Variants in BIN2 observed in about 807,000 individuals in gnomAD.
The protein encoded by BIN2 is bridging integrator 2, also known as breast cancer associated protein BRAP1.
A neutral mutation model predicts 67.9 loss-of-function variants in BIN2; 43 were observed. The ratio of observed to expected loss-of-function variants is 0.63; its 90% CI spans 0.50 to 0.82. The LOEUF (loss-of-function observed/expected upper bound fraction) is 0.82. Ranked by LOEUF, BIN2 falls within the 40% of genes least tolerant of loss-of-function variation. BIN2 has a pLI of 0.00. For synonymous variants in BIN2, 244 were observed against 246.8 expected (o/e 0.99, Z 0.11); for missense variants, 581 against 671.6 (o/e 0.87, Z 1.49).
At chr12:51,320,089 G>GA (rs1946231993) in intron 1 of BIN2, among the ~76,000 whole-genome samples, 1 of 152,038 alleles carries the variant, frequency 6.6e-6, no homozygotes, top group African/African-American at 2.4e-5. Flanking sequence ...AGATTCAAGC[G>GA]ATTCTCCTGC....
chr12:51,286,737 T>C (rs759734672), intron 11 of BIN2, among the ~76,000 whole-genome samples: 2 of 152,224 alleles, frequency 1.3e-5, no homozygotes, highest in African/African-American at 4.8e-5. Flanking sequence ...CCTGCACTTA[T>C]TCACTCTCCA....
intron 7 of BIN2, 119 bp downstream of exon 7, chr12:51,299,084 A>G (rs1945646925): frequency 5.9e-6 from 4 of 681,808 alleles, no homozygotes; most frequent in African/African-American, 2.1e-5. Flanking sequence ...CGAAAAAAAA[A>G]AAAAGGGGGC....
chr12:51,299,831 C>A, intron 5 of BIN2, 117 bp from the exon 6 acceptor site: 1 of 962,096 alleles, frequency 1.0e-6, no homozygotes. Context: ...ATTTCACTTT[C>A]GTTGTTTTTT....
At chr12:51,324,653 TGAAA>T (rs1946384492), upstream of BIN2, 1 of 986,762 alleles carries the variant, frequency 1.0e-6, no homozygotes, top group Admixed American at 3.5e-5. Flanking sequence ...GAGCCGGGCT[TGAAA>T]GAGAGAAACA....
At chr12:51,318,078 A>G (rs1486745045) in intron 1 of BIN2, among the ~76,000 whole-genome samples, 3 of 152,178 alleles carry the variant, frequency 2.0e-5, no homozygotes. Context: ...CAGCATCAGG[A>G]AAATCATAGG....
intron 11 of BIN2, among the ~76,000 whole-genome samples, chr12:51,285,752 T>C (rs1284549119): frequency 6.6e-6 from 1 of 151,656 alleles, no homozygotes; most frequent in Non-Finnish European, 1.5e-5. Context: ...GTCTCCCAAG[T>C]AGCTGGGATT....
intron 5 of BIN2, 93 bp from the exon 6 acceptor site, chr12:51,299,807 C>T: frequency 9.4e-7 from 1 of 1,067,106 alleles, no homozygotes; most frequent in South Asian, 1.3e-5. Context: ...AAGATTCTTG[C>T]ATCCTACTAT....
intron 9 of BIN2, 146 bp downstream of exon 9, chr12:51,295,650 A>AT (rs1183107554): frequency 7.1e-6 from 2 of 281,484 alleles, no homozygotes; most frequent in African/African-American, 4.5e-5. Flanking sequence ...AAGCAAAATA[A>AT]TTTATATAGG....
rs11838310 is a variant in BIN2, at chr12:51,291,476, G to A, written c.1515+115C>T. 7.8e-5 allele frequency: 82 copies of A among 1,046,506 alleles called. No homozygotes were observed. The African/African-American group carries it at 1.2e-3, about 16-fold the overall frequency. The allele number at this position is 1,046,506 out of a possible 1,614,324, so 64.8% of individuals were successfully genotyped here. ...GAGGATCACTTGAGCTTGAGAGGTCGAGACTGCAATGAGCTGTGATCGCAC... is the reference window on the plus strand; with the variant it reads ...GAGGATCACTTGAGCTTGAGAGGTCAAGACTGCAATGAGCTGTGATCGCAC... On this transcript the variant is annotated intron_variant, in intron 10 of 12. Coordinates refer to ENST00000615107, the MANE Select transcript of BIN2 (RefSeq NM_016293.4).
intron 1 of BIN2, among the ~76,000 whole-genome samples, chr12:51,317,805 G>A (rs1432843682): frequency 4.6e-5 from 7 of 151,998 alleles, no homozygotes; most frequent in Admixed American, 6.6e-5. Flanking sequence ...TGGCTAACAC[G>A]ATGAAACCCC....
intron 2 of BIN2, among the ~76,000 whole-genome samples, chr12:51,305,617 C>T (rs1353463138): frequency 6.8e-6 from 1 of 147,234 alleles, no homozygotes; most frequent in Admixed American, 6.8e-5. Context: ...GAATGAAACT[C>T]CATCTCAAAA....
chr12:51,287,074 A>C (rs1441823695), intron 11 of BIN2, among the ~76,000 whole-genome samples: 1 of 152,030 alleles, frequency 6.6e-6, no homozygotes, highest in Admixed American at 6.6e-5. Flanking sequence ...CACCTGCCTC[A>C]GCCCCCAACA....
At chr12:51,309,434 AC>A (rs1945941568) in intron 2 of BIN2, among the ~76,000 whole-genome samples, 1 of 152,214 alleles carries the variant, frequency 6.6e-6, no homozygotes, top group South Asian at 2.1e-4. Context: ...AGTTCCTGGC[AC>A]ACAGCAGGTG....
chr12:51,294,810 TG>T (rs1945491822), intron 9 of BIN2, among the ~76,000 whole-genome samples: 2 of 151,772 alleles, frequency 1.3e-5, no homozygotes, highest in Non-Finnish European at 2.9e-5. Context: ...AAAAAGTGAG[TG>T]GGGAAGGAAC....
chr12:51,316,220 G>A (rs1254818613), intron 1 of BIN2, among the ~76,000 whole-genome samples: 1 of 151,990 alleles, frequency 6.6e-6, no homozygotes, highest in Non-Finnish European at 1.5e-5. Context: ...GCTAGGCGCG[G>A]TGGCTCATGC....
intron 1 of BIN2, among the ~76,000 whole-genome samples, chr12:51,314,570 C>A (rs1332736830): frequency 6.6e-6 from 1 of 151,914 alleles, no homozygotes; most frequent in African/African-American, 2.4e-5. Context: ...GAGGCCAAGG[C>A]AGGTGGATCA....
Position 51,295,789 on chromosome 12 carries a change from T to C in BIN2, c.761+7A>G. The C allele has an allele frequency of 6.2e-7, 1 of 1,612,232 alleles. No individual in the cohort carries two copies. The highest frequency in any genetic ancestry group is 8.5e-7 in the Non-Finnish European group (1 of 1,179,344). ...AGCGAAGCAAAAAAGTCTTGGATGC[T>C]GCTCACCTTGACAGTCCCTTCACCA... On this transcript the variant is annotated splice_region_variant and intron_variant, in intron 9 of 12. Coordinates refer to ENST00000615107, the MANE Select transcript of BIN2 (RefSeq NM_016293.4).
chr12:51,291,897 C>A lies in BIN2; in HGVS notation c.1209G>T (p.Lys403Asn), dbSNP rs113931281. 3.3e-4 allele frequency: 536 copies of A among 1,614,124 alleles called. 4 individuals are homozygous for A. The African/African-American group carries it at 6.4e-3, about 19-fold the overall frequency. The change falls in exon 10 of 13, where the codon AAG becomes AAT. Residue 403 changes from lysine (K) to asparagine (N), a missense_variant. Transcript: ENST00000615107. ...TASEGSEQPK[K>N]RASIQRTSAP... ...CTGAGGTCCTCTGGATAGAGGCTCT[C>A]TTCTTTGGTTGTTCAGATCCTTCAC...
chr12:51,295,562 CA>C (rs779588765), intron 9 of BIN2, among the ~76,000 whole-genome samples: 81 of 11,876 alleles, frequency 6.8e-3, no homozygotes, highest in East Asian at 8.4e-3. Flanking sequence ...GACTCCGTCT[CA>C]AAAAAAAAAA....
Sources: allele counts gnomAD v4.1 joint callset (sites outside exome capture counted in the v4.1 genomes callset), GRCh38; gene constraint gnomAD v4.1.1; transcripts MANE v1.5; gene names NCBI Gene and HGNC (gene_info 2026-07-23, HGNC 2026-07-21).